ZFPM2: variants seen among roughly 807,000 people sequenced by gnomAD.
ZFPM2 encodes the protein zinc finger protein ZFPM2.
Under a neutral mutation model 98.6 loss-of-function variants are expected in ZFPM2, and 20 were observed. That is an observed-to-expected ratio of 0.20 (90% CI 0.14 to 0.29). ZFPM2 has a LOEUF of 0.29. ZFPM2 is among the 10% of genes least tolerant of loss of function. The probability of loss-of-function intolerance (pLI) is 1.00; values close to 1 mark genes in which losing one functional copy is unlikely to be tolerated. For synonymous variants in ZFPM2, 518 were observed against 502.7 expected (o/e 1.03, Z -0.41); for missense variants, 1,310 against 1,388.6 (o/e 0.94, Z 0.90).
intron 3 of ZFPM2, among the ~76,000 whole-genome samples, chr8:105,550,151 G>T (rs1003561424): frequency 2.0e-5 from 3 of 151,992 alleles, no homozygotes; most frequent in Non-Finnish European, 4.4e-5. Flanking sequence ...TCATAAGCTT[G>T]CCACCCTTAG....
chr8:105,469,687 T>TA (rs1397591528), intron 3 of ZFPM2, among the ~76,000 whole-genome samples: 2 of 152,230 alleles, frequency 1.3e-5, no homozygotes, highest in Non-Finnish European at 2.9e-5. Flanking sequence ...TATTAAATGC[T>TA]AAAGTGTGTT....
chr8:105,752,343 TA>T (rs1812497797), intron 5 of ZFPM2, among the ~76,000 whole-genome samples: 1 of 152,170 alleles, frequency 6.6e-6, no homozygotes, highest in Non-Finnish European at 1.5e-5. Context: ...AGAACAGTTG[TA>T]CATCTGCTCA....
At chr8:105,541,913 T>C (rs1486442883) in intron 3 of ZFPM2, among the ~76,000 whole-genome samples, 2 of 152,158 alleles carry the variant, frequency 1.3e-5, no homozygotes, top group South Asian at 2.1e-4. Flanking sequence ...AAGAAATTGC[T>C]AATTTTTTTA....
chr8:105,580,825 CTCTATA>C (rs1207742254), intron 4 of ZFPM2, among the ~76,000 whole-genome samples: 15 of 135,096 alleles, frequency 1.1e-4, no homozygotes, highest in African/African-American at 3.1e-4. Flanking sequence ...CTCTCTCTCT[CTCTATA>C]TATATATATA....
intron 4 of ZFPM2, among the ~76,000 whole-genome samples, chr8:105,620,690 T>C (rs1386109184): frequency 6.6e-6 from 1 of 152,222 alleles, no homozygotes; most frequent in African/African-American, 2.4e-5. Flanking sequence ...CTTTAATCCA[T>C]CTTGAATTGA....
At chr8:105,628,684 C>T (rs1381318779) in intron 4 of ZFPM2, among the ~76,000 whole-genome samples, 3 of 152,146 alleles carry the variant, frequency 2.0e-5, no homozygotes, top group East Asian at 1.9e-4. Context: ...CAGAGACGGT[C>T]GGACTTCAGG....
At chr8:105,705,283 C>T (rs572416600) in intron 5 of ZFPM2, among the ~76,000 whole-genome samples, 2 of 151,948 alleles carry the variant, frequency 1.3e-5, no homozygotes, top group East Asian at 1.9e-4. Context: ...ATGCAATATA[C>T]AAATAAGATT....
intron 2 of ZFPM2, 70 bp downstream of exon 2, chr8:105,419,372 A>G (rs769966889): frequency 4.5e-6 from 7 of 1,545,038 alleles, no homozygotes; most frequent in African/African-American, 2.8e-5. Flanking sequence ...AAAAAAATGC[A>G]TAATAGTCCT....
chr8:105,794,958 G>C (rs1458545572), intron 6 of ZFPM2, among the ~76,000 whole-genome samples: 1 of 152,100 alleles, frequency 6.6e-6, no homozygotes, highest in Non-Finnish European at 1.5e-5. Context: ...GGGTGGGAGT[G>C]ACCCGATTTT....
chr8:105,642,060 T>C lies in ZFPM2; in HGVS notation c.532+7703T>C, dbSNP rs1816958061. 5.3e-5 allele frequency among the ~76,000 whole-genome samples: 8 copies of C among 152,232 alleles called. No individual in the cohort carries two copies. In the South Asian group the frequency reaches 1.7e-3, roughly 32 times the overall value. The stretch of plus-strand genomic sequence containing the variant: ...GTGACTCACTGTCATTCAAGGATGT[T>C]AGCTTGTCATTCAAAGAGATGCTAA... On this transcript the variant is annotated intron_variant, in intron 5 of 7. Transcript: ENST00000407775.
intron 5 of ZFPM2, among the ~76,000 whole-genome samples, chr8:105,784,540 C>T (rs1341943146): frequency 1.4e-5 from 2 of 145,682 alleles, no homozygotes; most frequent in Non-Finnish European, 1.5e-5. Flanking sequence ...GAAACCAAAA[C>T]GATAATGGCT....
intron 3 of ZFPM2, among the ~76,000 whole-genome samples, chr8:105,447,539 C>T (rs554087342): frequency 9.2e-5 from 14 of 152,130 alleles, no homozygotes; most frequent in African/African-American, 3.1e-4. Context: ...TTTTGTCATA[C>T]TAATTGAGTT....
chr8:105,474,711 T>G (rs1812978700), intron 3 of ZFPM2, among the ~76,000 whole-genome samples: 1 of 152,208 alleles, frequency 6.6e-6, no homozygotes, highest in Admixed American at 6.5e-5. Context: ...ACATAGTAAT[T>G]TGCAAACCTA....
intron 3 of ZFPM2, among the ~76,000 whole-genome samples, chr8:105,467,234 A>G (rs887522182): frequency 6.6e-6 from 1 of 152,078 alleles, no homozygotes; most frequent in Non-Finnish European, 1.5e-5. Context: ...ACTTATTTTT[A>G]CTAAAGTGAA....
intron 1 of ZFPM2, among the ~76,000 whole-genome samples, chr8:105,395,723 C>T (rs1278649893): frequency 1.3e-5 from 2 of 152,260 alleles, no homozygotes; most frequent in Admixed American, 6.5e-5. Flanking sequence ...ATGCTACATT[C>T]GTAACATAAT....
intron 5 of ZFPM2, among the ~76,000 whole-genome samples, chr8:105,732,092 A>G (rs1008236340): frequency 6.6e-6 from 1 of 151,788 alleles, no homozygotes; most frequent in Non-Finnish European, 1.5e-5. Flanking sequence ...AATCCCCACT[A>G]TACAGTGTAA....
chr8:105,689,539 G>A (rs1170555506), intron 5 of ZFPM2, among the ~76,000 whole-genome samples: 5 of 152,044 alleles, frequency 3.3e-5, no homozygotes, highest in Admixed American at 2.6e-4. Context: ...TTATTAAGAT[G>A]CTCATAGAAA....
chr8:105,356,502 T>C (rs1405963231), intron 1 of ZFPM2, among the ~76,000 whole-genome samples: 2 of 152,230 alleles, frequency 1.3e-5, no homozygotes, highest in African/African-American at 4.8e-5. Context: ...ATCAAAAGGA[T>C]CTGTAATCTG....
intron 4 of ZFPM2, among the ~76,000 whole-genome samples, chr8:105,588,019 A>G (rs1319471785): frequency 6.6e-6 from 1 of 152,196 alleles, no homozygotes; most frequent in African/African-American, 2.4e-5. Context: ...GTTAAAGTCT[A>G]TGTACTACAC....
Sources: gnomAD v4.1 joint callset for allele counts (sites outside exome capture counted in the v4.1 genomes callset) on GRCh38, gnomAD v4.1.1 for gene constraint, MANE v1.5 for transcripts, NCBI Gene and HGNC (gene_info 2026-07-23, HGNC 2026-07-21) for gene names.